MEGF10: variants seen among roughly 807,000 people sequenced by gnomAD.
MEGF10 encodes the protein multiple EGF like domains 10.
MEGF10 carries 86 observed loss-of-function variants against 147.5 expected under a neutral mutation model. That is an observed-to-expected ratio of 0.58 (90% CI 0.49 to 0.70). The LOEUF (loss-of-function observed/expected upper bound fraction) is 0.70, where lower values mean the gene tolerates loss of function less well. Among genes scored for constraint, MEGF10 ranks in the 30% least tolerant of loss-of-function variants. MEGF10 has a pLI of 0.00. For missense variants in MEGF10, 1,329 were observed against 1,487.3 expected, an observed-to-expected ratio of 0.89 and a Z score of 1.75; for synonymous variants, 478 against 525.5, an observed-to-expected ratio of 0.91 and a Z score of 1.24.
At position 127,402,685 on chromosome 5, in the gene MEGF10, A is replaced by G; in HGVS notation, c.917+3A>G. On this transcript the variant is annotated splice_donor_region_variant and intron_variant, in intron 8 of 24. Coordinates refer to ENST00000503335, the MANE Select transcript of MEGF10 (RefSeq NM_001256545.2). ...AGTCCAGGATACACAGGGGAACGGT[A>G]AGGGATGCCCTTGTATTTCTCTGAC... is the stretch of plus-strand genomic sequence containing the variant. The G allele has an allele frequency of 3.7e-6, 6 of 1,613,820 alleles. No homozygotes were observed. Among genetic ancestry groups the G allele is most frequent in the East Asian group, 2.2e-5 (1 of 44,884 alleles).
chr5:127,333,761 G>A (rs1168905222), intron 2 of MEGF10, among the ~76,000 whole-genome samples: 2 of 152,070 alleles, frequency 1.3e-5, no homozygotes, highest in African/African-American at 2.4e-5. Context: ...GATAGGAAAC[G>A]AAATGACTAA....
At chr5:127,284,420 A>T in the MEGF10 span, among the ~76,000 whole-genome samples, 1 of 151,926 alleles carries the variant, frequency 6.6e-6, no homozygotes, top group African/African-American at 2.4e-5. Context: ...ATGAGGAAAA[A>T]GTGTTTAAAC....
chr5:127,412,162 C>A (rs1455001428), intron 9 of MEGF10, among the ~76,000 whole-genome samples: 1 of 152,176 alleles, frequency 6.6e-6, no homozygotes, highest in Non-Finnish European at 1.5e-5. Flanking sequence ...TTGACAATTA[C>A]ATAGATCAAT....
intron 8 of MEGF10, among the ~76,000 whole-genome samples, chr5:127,405,780 C>CT (rs1299714169): frequency 1.3e-5 from 2 of 151,982 alleles, no homozygotes; most frequent in South Asian, 4.1e-4. Context: ...TTTTAAATCC[C>CT]TTTTTTTAAT....
At chr5:127,449,535 C>A (rs181376547) in intron 22 of MEGF10, among the ~76,000 whole-genome samples, 2 of 152,274 alleles carry the variant, frequency 1.3e-5, no homozygotes, top group East Asian at 3.9e-4. Flanking sequence ...TAGGTGGGTA[C>A]TATTGTTATC....
chr5:127,446,190 G>A (rs547051611), intron 20 of MEGF10, among the ~76,000 whole-genome samples: 6 of 152,276 alleles, frequency 3.9e-5, no homozygotes, highest in East Asian at 1.9e-4. Flanking sequence ...AACCAAGGCA[G>A]CCCTTTAAGA....
the MEGF10 span, among the ~76,000 whole-genome samples, chr5:127,261,797 C>A: frequency 2.6e-5 from 4 of 152,078 alleles, no homozygotes; most frequent in African/African-American, 9.7e-5. Flanking sequence ...TTTATTATTG[C>A]CTTCTTAGTG....
chr5:127,321,920 C>T (rs1276845627), intron 1 of MEGF10, among the ~76,000 whole-genome samples: 1 of 152,098 alleles, frequency 6.6e-6, no homozygotes, highest in Non-Finnish European at 1.5e-5. Flanking sequence ...ATATTTGCTC[C>T]TCCTTCTCCT....
intron 17 of MEGF10, among the ~76,000 whole-genome samples, chr5:127,439,359 ATT>A (rs899079538): frequency 2.6e-5 from 4 of 152,346 alleles, no homozygotes; most frequent in African/African-American, 9.6e-5. Flanking sequence ...AATAGCGTAT[ATT>A]TTAAAATAAT....
intron 5 of MEGF10, among the ~76,000 whole-genome samples, chr5:127,379,597 T>C (rs1016530330): frequency 1.4e-5 from 2 of 141,332 alleles, no homozygotes; most frequent in African/African-American, 5.3e-5. Context: ...CCAGCTTCTT[T>C]TTTTTTTTTT....
intron 22 of MEGF10, among the ~76,000 whole-genome samples, chr5:127,450,017 T>G (rs751334555): frequency 6.6e-6 from 1 of 152,222 alleles, no homozygotes; most frequent in South Asian, 2.1e-4. Context: ...CCTTCAAAAT[T>G]AGCGAGAAGA....
At chr5:127,390,441 C>T (rs1763602320) in intron 5 of MEGF10, among the ~76,000 whole-genome samples, 1 of 152,046 alleles carries the variant, frequency 6.6e-6, no homozygotes, top group African/African-American at 2.4e-5. Context: ...CAGTGCAAGC[C>T]AGCACGCTGG....
At chr5:127,267,448 GGGA>G in the MEGF10 span, among the ~76,000 whole-genome samples, 1 of 152,182 alleles carries the variant, frequency 6.6e-6, no homozygotes, top group Non-Finnish European at 1.5e-5. Flanking sequence ...AAATGAGTTA[GGGA>G]GGCTTCCCTC....
At chr5:127,310,271 T>C (rs1021572909) in intron 1 of MEGF10, among the ~76,000 whole-genome samples, 9 of 151,948 alleles carry the variant, frequency 5.9e-5, no homozygotes, top group African/African-American at 1.9e-4. Context: ...GTTGTCTGTT[T>C]TGTTACTGCT....
intron 18 of MEGF10, 35 bp downstream of exon 18, chr5:127,440,902 T>C (rs1438559043): frequency 6.2e-7 from 1 of 1,603,056 alleles, no homozygotes; most frequent in Non-Finnish European, 8.5e-7. Flanking sequence ...TGGGTGGTAT[T>C]TTTTTCCTCT....
At chr5:127,268,376 G>C in the MEGF10 span, among the ~76,000 whole-genome samples, 8 of 152,230 alleles carry the variant, frequency 5.3e-5, no homozygotes, top group Admixed American at 1.3e-4. Context: ...ATGTGGTTCT[G>C]AGAAGAATGT....
chr5:127,364,637 T>C (rs1460433615), intron 4 of MEGF10, among the ~76,000 whole-genome samples: 1 of 152,234 alleles, frequency 6.6e-6, no homozygotes, highest in Non-Finnish European at 1.5e-5. Context: ...GCAAAACGAT[T>C]CCTGTGCACT....
chr5:127,246,247 C>A, the MEGF10 span, among the ~76,000 whole-genome samples: 1 of 152,130 alleles, frequency 6.6e-6, no homozygotes, highest in East Asian at 1.9e-4. Context: ...AAATGTGGCA[C>A]ATATACAACA....
the MEGF10 span, among the ~76,000 whole-genome samples, chr5:127,237,676 A>G: frequency 2.6e-5 from 4 of 152,086 alleles, no homozygotes; most frequent in Non-Finnish European, 4.4e-5. Flanking sequence ...AGAAGCCCAG[A>G]CGGGACTGTT....
Sources: gnomAD v4.1 joint callset for allele counts (sites outside exome capture counted in the v4.1 genomes callset) on GRCh38, gnomAD v4.1.1 for gene constraint, MANE v1.5 for transcripts, NCBI Gene and HGNC (gene_info 2026-07-23, HGNC 2026-07-21) for gene names.